Variants in IDO2 observed in about 807,000 individuals in gnomAD.
The protein encoded by IDO2 is indoleamine 2,3-dioxygenase 2, also known as indoleamine 2,3-dioxygenase-like 1 protein.
In IDO2, 46 loss-of-function variants were observed where a neutral mutation model predicts 45.1. The observed-to-expected ratio is 1.02, with a 90% confidence interval of 0.80 to 1.30. The LOEUF (loss-of-function observed/expected upper bound fraction) is 1.30. Among genes scored for constraint, IDO2 ranks in the 50% most tolerant of loss-of-function variants. IDO2 has a pLI of 0.00. For missense variants in IDO2, 544 were observed against 491.8 expected, an observed-to-expected ratio of 1.11 and a Z score of -1.00; for synonymous variants, 218 against 184.9, an observed-to-expected ratio of 1.18 and a Z score of -1.45.
intron 2 of IDO2, among the ~76,000 whole-genome samples, chr8:39,952,809 C>G (rs891091636): frequency 1.3e-5 from 2 of 151,726 alleles, no homozygotes; most frequent in Non-Finnish European, 2.9e-5. Context: ...CGTCTTGTAC[C>G]CCAGGTTGGA....
At chr8:39,980,742 C>CTTTTCTTTTTCT (rs923104617) in intron 4 of IDO2, among the ~76,000 whole-genome samples, 9 of 151,910 alleles carry the variant, frequency 5.9e-5, no homozygotes, top group Non-Finnish European at 1.0e-4. Flanking sequence ...CAATGCATCT[C>CTTTTCTTTTTCT]TTTTCTTTTT....
intron 7 of IDO2, among the ~76,000 whole-genome samples, chr8:39,988,371 C>T (rs1017278488): frequency 7.2e-5 from 11 of 152,120 alleles, no homozygotes; most frequent in African/African-American, 2.7e-4. Flanking sequence ...ATCAGGAAGG[C>T]TGGATAGAAG....
intron 8 of IDO2, among the ~76,000 whole-genome samples, chr8:39,998,808 T>C (rs998648708): frequency 2.0e-5 from 3 of 151,648 alleles, no homozygotes; most frequent in Non-Finnish European, 4.4e-5. Flanking sequence ...ACCCCACTAA[T>C]TTTTTTGTAT....
chr8:39,987,717 G>A (rs1433258271), intron 6 of IDO2, 154 bp from the exon 7 acceptor site: 2 of 570,380 alleles, frequency 3.5e-6, no homozygotes, highest in East Asian at 5.6e-5. Flanking sequence ...TGTTGCTGAA[G>A]GTAGATGCCC....
chr8:40,006,173 T>G (rs1366695499), intron 9 of IDO2, among the ~76,000 whole-genome samples: 1 of 152,196 alleles, frequency 6.6e-6, no homozygotes, highest in Non-Finnish European at 1.5e-5. Context: ...TGACTTACCA[T>G]TTTTTGACTT....
At chr8:39,957,004 G>T (rs551033764) in intron 2 of IDO2, among the ~76,000 whole-genome samples, 37 of 124,080 alleles carry the variant, frequency 3.0e-4, no homozygotes, top group Non-Finnish European at 5.1e-4. Flanking sequence ...GCTCACACAA[G>T]TGCACTCTAG....
At chr8:39,949,760 A>G (rs1395611386) in intron 2 of IDO2, among the ~76,000 whole-genome samples, 1 of 152,202 alleles carries the variant, frequency 6.6e-6, no homozygotes, top group East Asian at 1.9e-4. Context: ...CTGGATCACT[A>G]TTGCGACATT....
At chr8:39,976,502 T>C (rs1808261096) in intron 3 of IDO2, among the ~76,000 whole-genome samples, 2 of 152,216 alleles carry the variant, frequency 1.3e-5, no homozygotes, top group South Asian at 4.1e-4. Context: ...CTTTAGGTTG[T>C]AAATAGATAT....
intron 1 of IDO2, among the ~76,000 whole-genome samples, chr8:39,936,384 C>G (rs1035860103): frequency 6.6e-6 from 1 of 152,152 alleles, no homozygotes; most frequent in Admixed American, 6.5e-5. Context: ...AAGATGGTAG[C>G]TTAAACATGT....
chr8:39,990,674 C>G (rs573141437), intron 8 of IDO2, among the ~76,000 whole-genome samples: 1 of 152,304 alleles, frequency 6.6e-6, no homozygotes, highest in East Asian at 1.9e-4. Flanking sequence ...AAACCTTTGT[C>G]TTCCTTTATC....
At chr8:39,985,729 G>GA (rs1340518026) in intron 6 of IDO2, 3 of 520,970 alleles carry the variant, frequency 5.8e-6, no homozygotes, top group Non-Finnish European at 1.0e-5. Flanking sequence ...ATAGATAAGG[G>GA]ATTTTTTTTT....
intron 9 of IDO2, among the ~76,000 whole-genome samples, chr8:40,006,546 C>G (rs1261944699): frequency 6.6e-6 from 1 of 152,166 alleles, no homozygotes; most frequent in Non-Finnish European, 1.5e-5. Context: ...GCAACAGGAA[C>G]AAACTAAAAC....
intron 9 of IDO2, among the ~76,000 whole-genome samples, chr8:40,008,061 T>C (rs909982130): frequency 1.2e-4 from 18 of 151,240 alleles, no homozygotes; most frequent in Non-Finnish European, 2.5e-4. Flanking sequence ...TTTTTTTTTT[T>C]TTTGAGACAG....
intron 9 of IDO2, among the ~76,000 whole-genome samples, chr8:40,011,710 T>C (rs995244308): frequency 7.2e-5 from 11 of 152,232 alleles, no homozygotes; most frequent in Non-Finnish European, 1.6e-4. Context: ...CAGGTATTAT[T>C]TTAATTAGTT....
At chr8:39,976,807 A>G (rs975059353) in intron 3 of IDO2, among the ~76,000 whole-genome samples, 1 of 152,156 alleles carries the variant, frequency 6.6e-6, no homozygotes, top group African/African-American at 2.4e-5. Flanking sequence ...TTCCATTTTG[A>G]TGGAAACCCA....
At chr8:39,985,165 A>G (rs1808405909) in intron 5 of IDO2, 1 of 342,010 alleles carries the variant, frequency 2.9e-6, no homozygotes, top group South Asian at 3.2e-5. Flanking sequence ...CCTCGACCTC[A>G]TAATCCACCT....
At position 40,009,765 on chromosome 8, in the gene IDO2, C is replaced by T. The variant is rs562087846; in HGVS notation, c.720-3800C>T. Among the ~76,000 whole-genome samples the T allele has an allele frequency of 4.9e-4, 74 of 152,280 alleles. 1 individual carries two copies. Among genetic ancestry groups the T allele is most frequent in the Middle Eastern group, 6.8e-3 (2 of 294 alleles). ...CTGTCACCTTCACTGTGGAAATCCT[C>T]TTGAGGGTGAGGCACTGAAAGCAGA... On this transcript the variant is annotated intron_variant, in intron 9 of 10. Transcript: ENST00000502986.
chr8:39,944,814 T>C (rs1807706883), intron 1 of IDO2, among the ~76,000 whole-genome samples: 2 of 152,186 alleles, frequency 1.3e-5, no homozygotes. Flanking sequence ...TCTTTGGGGC[T>C]GAGAGAATTT....
intron 2 of IDO2, among the ~76,000 whole-genome samples, chr8:39,951,275 A>ATTATTT (rs1334911430): frequency 7.4e-6 from 1 of 136,030 alleles, no homozygotes; most frequent in East Asian, 2.3e-4. Flanking sequence ...GGACCCCAAG[A>ATTATTT]TTTTTTTTTT....
Sources: allele counts gnomAD v4.1 joint callset (sites outside exome capture counted in the v4.1 genomes callset), GRCh38; gene constraint gnomAD v4.1.1; transcripts MANE v1.5; gene names NCBI Gene and HGNC (gene_info 2026-07-23, HGNC 2026-07-21).